Variants in WDR48 observed in about 807,000 individuals in gnomAD.
WDR48 encodes the protein WD repeat domain 48.
Under a neutral mutation model 94.0 loss-of-function variants are expected in WDR48, and 22 were observed. The observed-to-expected ratio is 0.23, with a 90% CI of 0.17 to 0.33. The LOEUF is 0.33. Ranked by LOEUF, WDR48 falls within the 10% of genes least tolerant of loss-of-function variation. WDR48 has a pLI of 1.00. For synonymous variants in WDR48, 278 were observed against 280.5 expected, an observed-to-expected ratio of 0.99 and a Z score of 0.09; for missense variants, 541 against 813.8, an observed-to-expected ratio of 0.66 and a Z score of 4.08.
intron 5 of WDR48, among the ~76,000 whole-genome samples, chr3:39,067,124 T>G (rs989784708): frequency 6.6e-6 from 1 of 152,148 alleles, no homozygotes; most frequent in Non-Finnish European, 1.5e-5. Flanking sequence ...ATGTCTTAGC[T>G]CCCTAGCTAA....
At chr3:39,083,162 G>A (rs546380965) in intron 11 of WDR48, among the ~76,000 whole-genome samples, 57 of 152,170 alleles carry the variant, frequency 3.7e-4, no homozygotes, top group Non-Finnish European at 4.0e-4. Flanking sequence ...AAGGGCAAAA[G>A]CCAGGTAGAG....
intron 5 of WDR48, among the ~76,000 whole-genome samples, chr3:39,067,388 C>T (rs939549526): frequency 6.6e-6 from 1 of 152,186 alleles, no homozygotes; most frequent in Non-Finnish European, 1.5e-5. Flanking sequence ...TAGAGCAGCC[C>T]TGAGGAATCA....
rs1575444837 is a variant in WDR48 at position 39,096,142 on chromosome 3, C to G, written c.*1399C>G. ...ACCTTACTATTTAAGATACTCTGAT[C>G]GCACAACTGCAGAGACAGGGTTCCC... On this transcript the variant is annotated 3_prime_UTR_variant, in exon 19 of 19. Coordinates refer to ENST00000302313, the MANE Select transcript of WDR48 (RefSeq NM_020839.4). 6.6e-6 allele frequency: 1 copy of G among 152,568 alleles called. No individual in the cohort carries two copies. The highest frequency in any genetic ancestry group is 1.5e-5 in the Non-Finnish European group (1 of 68,036). The allele number at this position is 152,568 out of a possible 1,614,324, so 9.5% of individuals were successfully genotyped here. A position where few individuals can be genotyped will look rare whatever the true frequency, so the allele number is the denominator to read the frequency against.
chr3:39,078,792 A>C (rs2034369512), intron 10 of WDR48, among the ~76,000 whole-genome samples: 4 of 146,786 alleles, frequency 2.7e-5, no homozygotes, highest in Admixed American at 2.7e-4. Flanking sequence ...GCACTTTGGG[A>C]GGCCAAGGCG....
At chr3:39,054,685 A>G (rs1227071885) in intron 1 of WDR48, among the ~76,000 whole-genome samples, 2 of 152,240 alleles carry the variant, frequency 1.3e-5, no homozygotes, top group Non-Finnish European at 2.9e-5. Flanking sequence ...GTGTGAAGCC[A>G]TTCTTGAATT....
At chr3:39,062,455 G>A (rs1208530704) in intron 1 of WDR48, among the ~76,000 whole-genome samples, 1 of 152,182 alleles carries the variant, frequency 6.6e-6, no homozygotes, top group Non-Finnish European at 1.5e-5. Flanking sequence ...GTATGTGATA[G>A]GAGCTCAAAA....
rs147970160 is a variant in WDR48, at chr3:39,082,153, A to G, written c.1174-2002A>G. Among the ~76,000 whole-genome samples the G allele has an allele frequency of 3.5e-4, 53 of 152,334 alleles. No individual in the cohort carries two copies. In the East Asian group the frequency reaches 7.7e-3, roughly 22 times the overall value. ...TGTTGAGAAGCACAGTGTCTGGTACATAATAGGAGGCTGTTGCACTAATAC... is the reference window on the plus strand; with the variant it reads ...TGTTGAGAAGCACAGTGTCTGGTACGTAATAGGAGGCTGTTGCACTAATAC... On this transcript the variant is annotated intron_variant, in intron 11 of 18. Coordinates refer to ENST00000302313, the MANE Select transcript of WDR48 (RefSeq NM_020839.4).
rs1034658475 is a variant in WDR48 at position 39,096,153 on chromosome 3, A to C, written c.*1410A>C. The C allele has an allele frequency of 3.9e-5, 6 of 152,618 alleles. No homozygotes were observed. Among genetic ancestry groups the C allele is most frequent in the African/African-American group, 1.4e-4 (6 of 41,470 alleles). 9.5% of individuals were successfully genotyped at this position (152,618 alleles called of 1,614,324 possible). ...TAAGATACTCTGATCGCACAACTGC[A>C]GAGACAGGGTTCCCTCACTGCTAGT... On this transcript the variant is annotated 3_prime_UTR_variant, in exon 19 of 19. Transcript: ENST00000302313.
chr3:39,078,287 TAC>T, intron 10 of WDR48, 48 bp downstream of exon 10: 1 of 1,308,954 alleles, frequency 7.6e-7, no homozygotes, highest in Non-Finnish European at 1.1e-6. Flanking sequence ...TAGCGATAGT[TAC>T]TTAGAGATTG....
intron 6 of WDR48, among the ~76,000 whole-genome samples, chr3:39,069,060 G>A (rs755306489): frequency 7.2e-5 from 11 of 152,088 alleles, no homozygotes; most frequent in South Asian, 2.1e-4. Flanking sequence ...AGGCTGTAGC[G>A]ATCCTTCCAC....
chr3:39,068,539 A>G (rs776090146), intron 5 of WDR48, among the ~76,000 whole-genome samples: 1 of 152,230 alleles, frequency 6.6e-6, no homozygotes, highest in Admixed American at 6.5e-5. Context: ...TAGCTTTTCA[A>G]TGGCACTGCA....
intron 7 of WDR48, among the ~76,000 whole-genome samples, chr3:39,073,980 C>T (rs998069816): frequency 6.6e-6 from 1 of 152,186 alleles, no homozygotes; most frequent in Non-Finnish European, 1.5e-5. Context: ...TCAGAATCAC[C>T]TGGAGAGCCT....
At chr3:39,092,173 A>T (rs754791529) in intron 17 of WDR48, among the ~76,000 whole-genome samples, 7 of 152,226 alleles carry the variant, frequency 4.6e-5, no homozygotes, top group African/African-American at 7.2e-5. Flanking sequence ...CCCTGTCTCT[A>T]AGAAAAAAAT....
At chr3:39,094,527 G>A (rs2035242317) in intron 18 of WDR48, 121 bp from the exon 19 acceptor site, 3 of 1,542,772 alleles carry the variant, frequency 1.9e-6, no homozygotes, top group African/African-American at 2.7e-5. Flanking sequence ...AGCAAGAATT[G>A]GATACCAGGC....
chr3:39,091,590 A>C, intron 16 of WDR48, 35 bp from the exon 17 acceptor site: 1 of 1,469,136 alleles, frequency 6.8e-7, no homozygotes. Context: ...CAACTAATAG[A>C]AACTGTTATA....
chr3:39,094,836 A>C lies in WDR48; in HGVS notation c.*93A>C. ...AAGCCCACTGATCCCCAACGGGAGC[A>C]AGACTTCTAACGGCTGATTGGTATG... On this transcript the variant is annotated 3_prime_UTR_variant, in exon 19 of 19. Coordinates refer to ENST00000302313, the MANE Select transcript of WDR48 (RefSeq NM_020839.4). 1 of 1,486,542 alleles carries C rather than the reference A, an allele frequency of 6.7e-7. No homozygotes were observed. Among genetic ancestry groups the C allele is most frequent in the Non-Finnish European group, 9.1e-7 (1 of 1,094,584 alleles). 92.1% of individuals were successfully genotyped at this position (1,486,542 alleles called of 1,614,324 possible).
chr3:39,075,027 TA>T, intron 8 of WDR48, 77 bp downstream of exon 8: 1 of 1,426,736 alleles, frequency 7.0e-7, no homozygotes, highest in African/African-American at 1.4e-5. Context: ...AAAGCTATAT[TA>T]AAACATGACT....
At chr3:39,062,069 G>A (rs1206041137) in intron 1 of WDR48, among the ~76,000 whole-genome samples, 1 of 152,152 alleles carries the variant, frequency 6.6e-6, no homozygotes, top group African/African-American at 2.4e-5. Flanking sequence ...TCACTCTGAT[G>A]ATAGTTTCTT....
At chr3:39,092,910 T>C (rs2125687472) in intron 17 of WDR48, among the ~76,000 whole-genome samples, 1 of 113,934 alleles carries the variant, frequency 8.8e-6, no homozygotes, top group East Asian at 2.6e-4. Context: ...CACACACAAT[T>C]ATTTTAAAGT....
Sources: allele counts gnomAD v4.1 joint callset (sites outside exome capture counted in the v4.1 genomes callset), GRCh38; gene constraint gnomAD v4.1.1; transcripts MANE v1.5; gene names NCBI Gene and HGNC (gene_info 2026-07-23, HGNC 2026-07-21).